Variants in F11R observed in about 807,000 individuals in gnomAD.
F11R encodes F11 receptor.
F11R carries 27 observed loss-of-function variants against 39.3 expected under a neutral mutation model. The observed-to-expected ratio is 0.69, with a 90% CI of 0.51 to 0.95. The LOEUF is 0.95. Ranked by LOEUF, F11R falls within the 40% of genes least tolerant of loss-of-function variation. The pLI is 0.00. For missense variants in F11R, 335 were observed against 372.7 expected (o/e 0.90, Z 0.83); for synonymous variants, 131 against 144.9 (o/e 0.90, Z 0.69).
chr1:161,007,851 C>T (rs1233635774), intron 1 of F11R, among the ~76,000 whole-genome samples: 1 of 152,118 alleles, frequency 6.6e-6, no homozygotes, highest in African/African-American at 2.4e-5. Context: ...GAAGGCGGCC[C>T]CTTCTCTAGA....
chr1:161,001,384 A>T (rs1467649105), intron 1 of F11R, 31 bp from the exon 2 acceptor site: 1 of 1,589,078 alleles, frequency 6.3e-7, no homozygotes, highest in Admixed American at 1.7e-5. Flanking sequence ...GGGCCCTGTC[A>T]GGAGTGGACA....
intron 1 of F11R, among the ~76,000 whole-genome samples, chr1:161,015,193 G>A (rs1268665873): frequency 1.3e-5 from 2 of 150,782 alleles, no homozygotes; most frequent in South Asian, 2.1e-4. Flanking sequence ...TCAGCAGATC[G>A]AGACCATCCT....
chr1:161,000,623 G>T lies in F11R; in HGVS notation c.388+8C>A. The T allele has an allele frequency of 1.2e-6, 2 of 1,614,138 alleles. No homozygotes were observed. Among genetic ancestry groups the T allele is most frequent in the East Asian group, 4.5e-5 (2 of 44,886 alleles). On this transcript the variant is annotated splice_region_variant and intron_variant, in intron 4 of 9. Transcript: ENST00000368026. ...TCCAGGCCCACCCAGAAGACATGGG[G>T]CACGTACCAAGCACGATGAGCTTGA...
At position 161,016,348 on chromosome 1, in the gene F11R, C is replaced by T. The variant is rs544979391; in HGVS notation, c.64+4662G>A. ...AAAATTAGCCAGGCATGGTGGCGGG[C>T]GCCTGTAGTCCCAGCTACTCAGGAG... On this transcript the variant is annotated intron_variant, in intron 1 of 9. Coordinates refer to ENST00000368026, the MANE Select transcript of F11R (RefSeq NM_016946.6). Among the ~76,000 whole-genome samples, 972 of 151,976 alleles carry T rather than the reference C, an allele frequency of 6.4e-3. 9 individuals are homozygous for T. The highest frequency in any genetic ancestry group is 9.7e-3 in the Non-Finnish European group (657 of 67,952).
intron 1 of F11R, among the ~76,000 whole-genome samples, chr1:161,018,422 A>T (rs565697468): frequency 6.6e-6 from 1 of 152,078 alleles, no homozygotes; most frequent in East Asian, 1.9e-4. Context: ...TTGATTTCTG[A>T]CTCTAGCCAT....
intron 1 of F11R, among the ~76,000 whole-genome samples, chr1:161,004,982 G>A (rs955228176): frequency 1.3e-4 from 20 of 151,394 alleles, no homozygotes; most frequent in South Asian, 4.2e-4. Flanking sequence ...CCAACGTGGC[G>A]AAATCTCGTC....
intron 1 of F11R, among the ~76,000 whole-genome samples, chr1:161,005,129 C>T (rs896657504): frequency 3.5e-4 from 52 of 150,468 alleles, no homozygotes; most frequent in African/African-American, 1.2e-3. Context: ...CACTGCACTC[C>T]AGCCTGGGTG....
intron 1 of F11R, 27 bp from the exon 2 acceptor site, chr1:161,001,380 T>G: frequency 6.3e-7 from 1 of 1,595,256 alleles, no homozygotes; most frequent in Non-Finnish European, 8.6e-7. Context: ...AGGTGGGCCC[T>G]GTCAGGAGTG....
At position 161,017,298 on chromosome 1, in the gene F11R, C is replaced by T. The variant is rs185550640; in HGVS notation, c.64+3712G>A. On this transcript the variant is annotated intron_variant, in intron 1 of 9. Coordinates refer to ENST00000368026, the MANE Select transcript of F11R (RefSeq NM_016946.6). ...AGGATTAGTATAAGAGGAAGGCATGCCTCTTGCAGTTGAGACAAGAGAAAG... is the reference window on the plus strand; with the variant it reads ...AGGATTAGTATAAGAGGAAGGCATGTCTCTTGCAGTTGAGACAAGAGAAAG... Among the ~76,000 whole-genome samples, 264 of 152,270 alleles carry T rather than the reference C, an allele frequency of 1.7e-3. 2 individuals are homozygous for T. Among genetic ancestry groups the T allele is most frequent in the African/African-American group, 6.0e-3 (249 of 41,562 alleles).
intron 1 of F11R, among the ~76,000 whole-genome samples, chr1:161,002,365 G>A (rs1648545402): frequency 6.6e-6 from 1 of 151,620 alleles, no homozygotes; most frequent in South Asian, 2.1e-4. Flanking sequence ...GCCAAATGGA[G>A]AAAGAAAAGA....
intron 1 of F11R, among the ~76,000 whole-genome samples, chr1:161,013,401 T>C (rs939038975): frequency 6.6e-6 from 1 of 152,228 alleles, no homozygotes; most frequent in Non-Finnish European, 1.5e-5. Flanking sequence ...TAAACACCAA[T>C]GTTTGTTGGA....
chr1:161,010,441 C>CAA (rs1248451719), intron 1 of F11R, among the ~76,000 whole-genome samples: 3 of 80,278 alleles, frequency 3.7e-5, no homozygotes, highest in Non-Finnish European at 4.5e-5. Flanking sequence ...GAGACTCCAT[C>CAA]AAAAAAAAAA....
chr1:160,998,762 G>A lies in F11R; in HGVS notation c.*109C>T. 3 of 1,046,260 alleles carry A rather than the reference G, an allele frequency of 2.9e-6. No individual in the cohort carries two copies. The highest frequency in any genetic ancestry group is 2.6e-5 in the South Asian group (2 of 77,020). 64.8% of individuals were successfully genotyped at this position (1,046,260 alleles called of 1,614,324 possible). On this transcript the variant is annotated 3_prime_UTR_variant, in exon 10 of 10. Transcript: ENST00000368026. ...TCCGAAGAAGTAGGGGGCCCTGTGG[G>A]GTGTAGAAGACAAATAAGGCATCCT...
rs1648223696 is a variant in F11R, at chr1:160,997,936, G to C, written c.*935C>G. The C allele has an allele frequency of 6.6e-6, 1 of 152,000 alleles. No individual in the cohort carries two copies. The highest frequency in any genetic ancestry group is 1.5e-5 in the Non-Finnish European group (1 of 68,244). 9.4% of individuals were successfully genotyped at this position (152,000 alleles called of 1,614,324 possible). On this transcript the variant is annotated 3_prime_UTR_variant, in exon 10 of 10. Coordinates refer to ENST00000368026, the MANE Select transcript of F11R (RefSeq NM_016946.6). ...AGTTCCAGCCAAGGGAAGGGTGATG[G>C]CCTAAGCCACCAGCTCCAGCTTTCT... is the stretch of plus-strand genomic sequence containing the variant.
intron 1 of F11R, among the ~76,000 whole-genome samples, chr1:161,012,064 T>G (rs1166482013): frequency 6.6e-6 from 1 of 152,106 alleles, no homozygotes; most frequent in Non-Finnish European, 1.5e-5. Context: ...GAGTTCTGCT[T>G]GTATCCTTCC....
At chr1:161,000,840 AG>A in intron 3 of F11R, 63 bp from the exon 4 acceptor site, 1 of 1,599,468 alleles carries the variant, frequency 6.3e-7, no homozygotes, top group Non-Finnish European at 8.6e-7. Context: ...AGGCTGATGA[AG>A]GGGGCATCCA....
rs1196243464 is a variant in F11R, at chr1:160,995,388, AAC to A, written c.*3481_*3482del. The A allele has an allele frequency of 1.3e-5, 2 of 152,204 alleles. No individual in the cohort carries two copies. Among genetic ancestry groups the A allele is most frequent in the African/African-American group, 4.8e-5 (2 of 41,394 alleles). The allele number at this position is 152,204 out of a possible 1,614,324, so 9.4% of individuals were successfully genotyped here. A position where few individuals can be genotyped will look rare whatever the true frequency, so the allele number is the denominator to read the frequency against. On this transcript the variant is annotated 3_prime_UTR_variant, in exon 10 of 10. Transcript: ENST00000368026. ...CTGTAGATCCTGTTAAGACAGGAAA[AAC>A]AGTGTTGGTCAAAGGGTACACGCTT...
At position 160,997,738 on chromosome 1, in the gene F11R, TAC is replaced by T. The variant is rs1648211400; in HGVS notation, c.*1131_*1132del. 6.5e-6 allele frequency: 1 copy of T among 152,800 alleles called. No individual in the cohort carries two copies. Among genetic ancestry groups the T allele is most frequent in the Non-Finnish European group, 1.5e-5 (1 of 68,074 alleles). 9.5% of individuals were successfully genotyped at this position (152,800 alleles called of 1,614,324 possible). On this transcript the variant is annotated 3_prime_UTR_variant, in exon 10 of 10. Transcript: ENST00000368026. ...TTTATTTCCAGCAACATTCAGCTGATACAAACACATAGAAATACAATCTCACC... is the reference window on the plus strand; with the variant it reads ...TTTATTTCCAGCAACATTCAGCTGATAAACACATAGAAATACAATCTCACC...
intron 1 of F11R, among the ~76,000 whole-genome samples, chr1:161,013,351 T>C (rs973296312): frequency 6.6e-6 from 1 of 152,214 alleles, no homozygotes; most frequent in Non-Finnish European, 1.5e-5. Flanking sequence ...TTTAACTTCA[T>C]GTTTTCCCCC....
Sources: allele counts gnomAD v4.1 joint callset (sites outside exome capture counted in the v4.1 genomes callset), GRCh38; gene constraint gnomAD v4.1.1; transcripts MANE v1.5; gene names NCBI Gene and HGNC (gene_info 2026-07-23, HGNC 2026-07-21).